Variants in YAP1 observed in about 807,000 individuals in gnomAD.
The protein encoded by YAP1 is Yes1 associated transcriptional regulator, also known as transcriptional coactivator YAP1.
In YAP1, 5 loss-of-function variants were observed where a neutral mutation model predicts 56.9. The ratio of observed to expected loss-of-function variants is 0.09; its 90% CI spans 0.05 to 0.18. The LOEUF is 0.18. Among genes scored for constraint, YAP1 ranks in the 10% least tolerant of loss-of-function variants. The pLI, the probability that YAP1 is intolerant of heterozygous loss-of-function variation, is 1.00. For missense variants in YAP1, 539 were observed against 651.8 expected (o/e 0.83, Z 1.88); for synonymous variants, 265 against 248.1 (o/e 1.07, Z -0.64).
chr11:102,222,668 G>A (rs1327104542), intron 6 of YAP1, among the ~76,000 whole-genome samples: 1 of 152,138 alleles, frequency 6.6e-6, no homozygotes, highest in Non-Finnish European at 1.5e-5. Context: ...CCTTGGGTTT[G>A]TGTTTTAACT....
At chr11:102,124,427 G>T (rs1943903880) in intron 2 of YAP1, among the ~76,000 whole-genome samples, 1 of 152,122 alleles carries the variant, frequency 6.6e-6, no homozygotes, top group Non-Finnish European at 1.5e-5. Context: ...AAGAAACTCG[G>T]TCTTCAATAT....
chr11:102,194,505 A>T (rs192317852), intron 4 of YAP1, among the ~76,000 whole-genome samples: 18 of 152,348 alleles, frequency 1.2e-4, no homozygotes, highest in Non-Finnish European at 2.1e-4. Flanking sequence ...TTTATGCAAC[A>T]AAAGTTTGGG....
At chr11:102,118,534 A>G (rs1943446101) in intron 2 of YAP1, among the ~76,000 whole-genome samples, 1 of 144,764 alleles carries the variant, frequency 6.9e-6, no homozygotes, top group African/African-American at 2.6e-5. Context: ...CACGATCTCA[A>G]CTCACTGCAA....
chr11:102,207,685 G>A (rs1346247007), intron 5 of YAP1, among the ~76,000 whole-genome samples: 2 of 152,156 alleles, frequency 1.3e-5, no homozygotes, highest in Non-Finnish European at 2.9e-5. Flanking sequence ...CTGATTTGGG[G>A]TTTGAGGAAT....
intron 8 of YAP1, 34 bp downstream of exon 8, chr11:102,227,615 T>G: frequency 2.8e-6 from 4 of 1,440,172 alleles, no homozygotes; most frequent in Non-Finnish European, 3.9e-6. Context: ...GTAACCTGAC[T>G]TAACAGTGGG....
chr11:102,196,927 C>T (rs771821382), intron 4 of YAP1, among the ~76,000 whole-genome samples: 5 of 152,072 alleles, frequency 3.3e-5, no homozygotes, highest in Admixed American at 6.6e-5. Context: ...GCAATTTTTA[C>T]TGAAAAACTA....
At chr11:102,206,565 G>T (rs1310571080) in intron 5 of YAP1, among the ~76,000 whole-genome samples, 1 of 152,152 alleles carries the variant, frequency 6.6e-6, no homozygotes, top group East Asian at 1.9e-4. Context: ...GTTACCTTTG[G>T]CCAGGTGCGG....
chr11:102,213,278 A>T (rs989307945), intron 6 of YAP1, among the ~76,000 whole-genome samples: 14 of 152,240 alleles, frequency 9.2e-5, no homozygotes, highest in African/African-American at 2.9e-4. Context: ...TGAAGTCAGG[A>T]GTTTGAGACC....
chr11:102,128,719 C>G (rs529405768), intron 2 of YAP1, among the ~76,000 whole-genome samples: 1 of 152,304 alleles, frequency 6.6e-6, no homozygotes, highest in South Asian at 2.1e-4. Flanking sequence ...AATGGACAGT[C>G]TAAGAATTTT....
intron 2 of YAP1, among the ~76,000 whole-genome samples, chr11:102,159,115 C>T (rs1946121467): frequency 6.6e-6 from 1 of 152,172 alleles, no homozygotes; most frequent in Admixed American, 6.5e-5. Flanking sequence ...TGTTCCCCTT[C>T]CCCTAGGAGC....
chr11:102,220,565 A>G (rs1259331830), intron 6 of YAP1, among the ~76,000 whole-genome samples: 2 of 152,146 alleles, frequency 1.3e-5, no homozygotes, highest in African/African-American at 2.4e-5. Context: ...GTTTTGAATG[A>G]TCAGTCATGA....
intron 4 of YAP1, among the ~76,000 whole-genome samples, chr11:102,200,071 A>G (rs1311660774): frequency 1.3e-5 from 2 of 152,392 alleles, no homozygotes; most frequent in South Asian, 2.1e-4. Context: ...TACATACTAA[A>G]TAATGTTTAT....
chr11:102,158,359 A>G (rs939361149), intron 2 of YAP1, among the ~76,000 whole-genome samples: 6 of 152,208 alleles, frequency 3.9e-5, no homozygotes, highest in East Asian at 1.9e-4. Context: ...GACACAAAAT[A>G]TTTACCCTCC....
chr11:102,167,406 T>C (rs1171017868), intron 3 of YAP1, among the ~76,000 whole-genome samples: 1 of 152,200 alleles, frequency 6.6e-6, no homozygotes, highest in Non-Finnish European at 1.5e-5. Flanking sequence ...ATAAGTCTAG[T>C]CTATTAAATT....
intron 3 of YAP1, among the ~76,000 whole-genome samples, chr11:102,167,034 T>C (rs1348544675): frequency 6.6e-6 from 1 of 152,212 alleles, no homozygotes. Context: ...AGTATAATTA[T>C]GCTTTTATAA....
intron 2 of YAP1, among the ~76,000 whole-genome samples, chr11:102,124,891 C>G (rs1943936743): frequency 6.6e-6 from 1 of 152,082 alleles, no homozygotes; most frequent in Non-Finnish European, 1.5e-5. Flanking sequence ...TGCGTATCAC[C>G]ATGCCTGGCT....
chr11:102,205,379 A>G (rs1475922512), intron 4 of YAP1, among the ~76,000 whole-genome samples: 1 of 152,066 alleles, frequency 6.6e-6, no homozygotes, highest in Non-Finnish European at 1.5e-5. Context: ...TTGTGGATGA[A>G]TTTTTAATTT....
intron 3 of YAP1, among the ~76,000 whole-genome samples, chr11:102,168,497 A>G (rs955567813): frequency 6.6e-6 from 1 of 152,236 alleles, no homozygotes; most frequent in Non-Finnish European, 1.5e-5. Flanking sequence ...TATATGCTTT[A>G]AAGTTAGAAA....
chr11:102,202,755 T>C (rs539561053), intron 4 of YAP1, among the ~76,000 whole-genome samples: 9 of 152,222 alleles, frequency 5.9e-5, no homozygotes, highest in South Asian at 2.1e-4. Context: ...CTAAAAACCA[T>C]TGGGTGAAAA....
Sources: allele counts gnomAD v4.1 joint callset (sites outside exome capture counted in the v4.1 genomes callset), GRCh38; gene constraint gnomAD v4.1.1; transcripts MANE v1.5; gene names NCBI Gene and HGNC (gene_info 2026-07-23, HGNC 2026-07-21).